The following DNAJC11 variants were observed in gnomAD, a reference collection of about 807,000 sequenced individuals.
The protein encoded by DNAJC11 is dnaJ homolog subfamily C member 11.
In DNAJC11, 15 loss-of-function variants were observed where a neutral mutation model predicts 78.6. That is an observed-to-expected ratio of 0.19 (90% CI 0.13 to 0.29). The LOEUF is 0.29. Among genes scored for constraint, DNAJC11 ranks in the 10% least tolerant of loss-of-function variants. The pLI is 1.00. For missense variants in DNAJC11, 547 were observed against 709.6 expected, an observed-to-expected ratio of 0.77 and a Z score of 2.60; for synonymous variants, 292 against 272.1, an observed-to-expected ratio of 1.07 and a Z score of -0.72.
At chr1:6,651,332 C>T (rs745470676) in intron 7 of DNAJC11, among the ~76,000 whole-genome samples, 197 bp downstream of exon 7, 3 of 152,200 alleles carry the variant, frequency 2.0e-5, no homozygotes, top group East Asian at 1.9e-4. Context: ...GACAAGGGTC[C>T]GGCCCCCTCA....
intron 4 of DNAJC11, among the ~76,000 whole-genome samples, chr1:6,667,370 A>C (rs1642309075): frequency 6.6e-6 from 1 of 152,070 alleles, no homozygotes; most frequent in Non-Finnish European, 1.5e-5. Flanking sequence ...TCCAGTGTCA[A>C]GGACTTGGGC....
Position 6,652,986 on chromosome 1 carries a change from AAAC to A in DNAJC11, c.508-38_508-36del, listed in dbSNP as rs771219622. 36 of 1,613,074 alleles carry A rather than the reference AAAC, an allele frequency of 2.2e-5. No individual in the cohort carries two copies. In the South Asian group the frequency reaches 3.5e-4, roughly 16 times the overall value. ...GTATTTGCTGGTAATGAATGAATCA[AAAC>A]AACAGGAAGTGCCAATGGCAGCAGC... On this transcript the variant is annotated intron_variant, in intron 5 of 15. Transcript: ENST00000377577.
chr1:6,693,991 A>G (rs539958139), intron 1 of DNAJC11, among the ~76,000 whole-genome samples: 10 of 151,862 alleles, frequency 6.6e-5, no homozygotes, highest in African/African-American at 2.4e-4. Context: ...GCCCGCCATC[A>G]AGTCTGGCTA....
intron 12 of DNAJC11, 97 bp downstream of exon 12, chr1:6,638,198 G>A: frequency 8.1e-7 from 1 of 1,232,254 alleles, no homozygotes; most frequent in Non-Finnish European, 1.1e-6. Context: ...AGTTGTTGGA[G>A]AAGAGAAGTC....
At chr1:6,640,689 G>A (rs565078143) in intron 10 of DNAJC11, among the ~76,000 whole-genome samples, 30 of 151,984 alleles carry the variant, frequency 2.0e-4, no homozygotes, top group African/African-American at 3.6e-4. Context: ...AAAATTAGCC[G>A]GGCGTGGTGG....
At position 6,637,489 on chromosome 1, in the gene DNAJC11, C is replaced by T. The variant is rs1641799456; in HGVS notation, c.1339G>A (p.Glu447Lys). 4 of 1,614,224 alleles carry T rather than the reference C, an allele frequency of 2.5e-6. No individual in the cohort carries two copies. Among genetic ancestry groups the T allele is most frequent in the Non-Finnish European group, 2.5e-6 (3 of 1,180,044 alleles). Reference protein sequence around the residue: ...EAESAVRLMQESVRRIIEAEE... With the variant: ...EAESAVRLMQKSVRRIIEAEE... ...GCCTCAATTATCCTTCGGACAGATT[C>T]CTGCATCAGCCGGACCTGCCAGAGA... The change falls in exon 13 of 16, where the codon GAA becomes AAA. Residue 447 changes from glutamate to lysine, a missense_variant. Coordinates refer to ENST00000377577, the MANE Select transcript of DNAJC11 (RefSeq NM_018198.4).
chr1:6,701,236 C>T (rs1194195977), intron 1 of DNAJC11, among the ~76,000 whole-genome samples: 1 of 152,182 alleles, frequency 6.6e-6, no homozygotes, highest in Non-Finnish European at 1.5e-5. Context: ...AGAGGCAGAG[C>T]GTCCCCACGA....
rs1355520874 is a variant in DNAJC11, at chr1:6,635,365, C to T, written c.*310G>A. On this transcript the variant is annotated 3_prime_UTR_variant, in exon 16 of 16. Transcript: ENST00000377577. ...CCAAGAACTACAGGGCGGCGGGCTG[C>T]GGTCAGCACGTGTGCTCGGGACACA... is the stretch of plus-strand genomic sequence containing the variant. 4.6e-5 allele frequency: 14 copies of T among 301,496 alleles called. No homozygotes were observed. Among genetic ancestry groups the T allele is most frequent in the Admixed American group, 2.3e-4 (5 of 22,202 alleles). The allele number at this position is 301,496 out of a possible 1,614,324, so 18.7% of individuals were successfully genotyped here.
At chr1:6,643,587 C>T (rs533215988) in intron 10 of DNAJC11, among the ~76,000 whole-genome samples, 6 of 152,166 alleles carry the variant, frequency 3.9e-5, no homozygotes, top group Admixed American at 1.3e-4. Context: ...AACCAGACAA[C>T]TCTTTTGAGG....
intron 4 of DNAJC11, among the ~76,000 whole-genome samples, chr1:6,662,804 A>G (rs1557477057): frequency 7.2e-6 from 1 of 139,282 alleles, no homozygotes; most frequent in Non-Finnish European, 1.5e-5. Context: ...GCAGGGACAA[A>G]TAAGGGAATA....
intron 10 of DNAJC11, among the ~76,000 whole-genome samples, chr1:6,642,799 A>G (rs1252530327): frequency 6.6e-6 from 1 of 152,148 alleles, no homozygotes; most frequent in Admixed American, 6.5e-5. Flanking sequence ...GACATCTGAG[A>G]TGCTGTTAGG....
Position 6,635,668 on chromosome 1 carries a change from T to C in DNAJC11, c.*7A>G, listed in dbSNP as rs767079885. On this transcript the variant is annotated 3_prime_UTR_variant, in exon 16 of 16. Transcript: ENST00000377577. ...TGCGGCCTTTTAAAAATCTGGTTCT[T>C]GGCAGTTTATCCATCTGTATCGATC... 2 of 1,613,978 alleles carry C rather than the reference T, an allele frequency of 1.2e-6. No individual in the cohort carries two copies. The highest frequency in any genetic ancestry group is 2.2e-5 in the South Asian group (2 of 91,028).
intron 1 of DNAJC11, among the ~76,000 whole-genome samples, chr1:6,697,166 C>T (rs1322244998): frequency 6.6e-6 from 1 of 152,164 alleles, no homozygotes; most frequent in Non-Finnish European, 1.5e-5. Flanking sequence ...ATAAAGTACT[C>T]CCTCCTCTCA....
intron 1 of DNAJC11, among the ~76,000 whole-genome samples, chr1:6,697,251 T>C (rs1642851943): frequency 6.6e-6 from 1 of 152,244 alleles, no homozygotes; most frequent in South Asian, 2.1e-4. Context: ...TTAAAGATCA[T>C]GTGTCTTGTC....
intron 1 of DNAJC11, among the ~76,000 whole-genome samples, chr1:6,695,522 T>A (rs1642820308): frequency 6.7e-6 from 1 of 149,958 alleles, no homozygotes; most frequent in African/African-American, 2.5e-5. Context: ...CCAGGTGCAG[T>A]GGCTCATGCC....
intron 1 of DNAJC11, among the ~76,000 whole-genome samples, chr1:6,694,974 CAAA>C (rs869181454): frequency 1.6e-4 from 5 of 32,132 alleles, no homozygotes; most frequent in African/African-American, 3.0e-4. Flanking sequence ...GACTCCGAAT[CAAA>C]AAAAAAAAAA....
chr1:6,674,796 A>C (rs1488869948), intron 3 of DNAJC11, among the ~76,000 whole-genome samples: 1 of 152,110 alleles, frequency 6.6e-6, no homozygotes, highest in Non-Finnish European at 1.5e-5. Flanking sequence ...CATTCTAAAG[A>C]AGCTCCAGGG....
chr1:6,669,612 G>C (rs976956658), intron 3 of DNAJC11, among the ~76,000 whole-genome samples: 1 of 152,022 alleles, frequency 6.6e-6, no homozygotes, highest in Non-Finnish European at 1.5e-5. Flanking sequence ...TTCTTAGCTC[G>C]TCATGAAAGG....
chr1:6,695,440 A>G (rs1296948591), intron 1 of DNAJC11, among the ~76,000 whole-genome samples: 1 of 152,036 alleles, frequency 6.6e-6, no homozygotes, highest in Non-Finnish European at 1.5e-5. Context: ...CACACAGGTC[A>G]TCCTGGCCTA....
Sources: gnomAD v4.1 joint callset for allele counts (sites outside exome capture counted in the v4.1 genomes callset) on GRCh38, gnomAD v4.1.1 for gene constraint, MANE v1.5 for transcripts, NCBI Gene and HGNC (gene_info 2026-07-23, HGNC 2026-07-21) for gene names.